PPP2R2A: variants seen among roughly 807,000 people sequenced by gnomAD.
PPP2R2A encodes protein phosphatase 2 regulatory subunit Balpha.
A neutral mutation model predicts 53.2 loss-of-function variants in PPP2R2A; 9 were observed. That is an observed-to-expected ratio of 0.17 (90% CI 0.10 to 0.30). PPP2R2A has a LOEUF of 0.30. Ranked by LOEUF, PPP2R2A falls within the 10% of genes least tolerant of loss-of-function variation. The pLI is 1.00. For missense variants in PPP2R2A, 235 were observed against 534.6 expected, an observed-to-expected ratio of 0.44 and a Z score of 5.53; for synonymous variants, 169 against 174.2, an observed-to-expected ratio of 0.97 and a Z score of 0.23.
chr8:26,360,763 C>G lies in PPP2R2A; in HGVS notation c.460-211C>G. ...AGAACTGCAAATTCTAATAGTATTG[C>G]AACCAGTAAAAGAAGATATATTATC... is the stretch of plus-strand genomic sequence containing the variant. On this transcript the variant is annotated intron_variant, in intron 5 of 9. Transcript: ENST00000380737. The surrounding 1 kb of genome is among the most constrained non-coding windows in gnomAD (Gnocchi z 4.5). 1 of 488,166 alleles carries G rather than the reference C, an allele frequency of 2.0e-6. No homozygotes were observed. The highest frequency in any genetic ancestry group is 3.5e-6 in the Non-Finnish European group (1 of 284,712). 30.2% of individuals were successfully genotyped at this position (488,166 alleles called of 1,614,324 possible).
intron 2 of PPP2R2A, among the ~76,000 whole-genome samples, chr8:26,332,173 T>C (rs1463356735): frequency 2.0e-5 from 3 of 151,872 alleles, no homozygotes; most frequent in African/African-American, 7.3e-5. Context: ...GGCCAACATA[T>C]TGAAAGCCTG....
intron 8 of PPP2R2A, chr8:26,365,171 T>C (rs1234981707): frequency 2.0e-5 from 3 of 152,228 alleles, no homozygotes; most frequent in African/African-American, 4.8e-5. Flanking sequence ...TTTCTACTTA[T>C]AAACAGTTGG....
At chr8:26,318,972 A>G (rs1170138412) in intron 2 of PPP2R2A, among the ~76,000 whole-genome samples, 3 of 152,168 alleles carry the variant, frequency 2.0e-5, no homozygotes, top group Non-Finnish European at 4.4e-5. Flanking sequence ...GACTCTTTTC[A>G]TCTTCCCAAA....
intron 2 of PPP2R2A, among the ~76,000 whole-genome samples, chr8:26,314,099 T>C (rs1802422215): frequency 6.6e-6 from 1 of 152,238 alleles, no homozygotes; most frequent in Non-Finnish European, 1.5e-5. Context: ...AAAAGCCTTC[T>C]AATGTAATTT....
rs149731094 is a variant in PPP2R2A at position 26,302,118 on chromosome 8, A to G, written c.82+8378A>G. On this transcript the variant is annotated intron_variant, in intron 2 of 9. Transcript: ENST00000380737. ...ATTGGTGCAGCTGTTTTGAGTTTCA[A>G]CTGCAGTTTTCATGGAACATCACTT... Among the ~76,000 whole-genome samples the G allele has an allele frequency of 1.1e-3, 161 of 152,300 alleles. 1 individual carries two copies. The highest frequency in any genetic ancestry group is 3.8e-3 in the African/African-American group (158 of 41,548).
At chr8:26,347,421 T>G (rs1182453650) in intron 3 of PPP2R2A, among the ~76,000 whole-genome samples, 1 of 151,780 alleles carries the variant, frequency 6.6e-6, no homozygotes, top group Non-Finnish European at 1.5e-5. Flanking sequence ...TGGAGGGTTT[T>G]TTTTTTTTTT....
chr8:26,356,235 C>T (rs1804775960), intron 4 of PPP2R2A, among the ~76,000 whole-genome samples: 1 of 152,200 alleles, frequency 6.6e-6, no homozygotes. Flanking sequence ...AAATTCAGCA[C>T]TTCCTCCATC....
Position 26,291,709 on chromosome 8 carries a change from TGCCATCCGCC to T in PPP2R2A, c.-100_-91del, listed in dbSNP as rs960116450. 5.4e-4 allele frequency: 160 copies of T among 298,504 alleles called. No individual in the cohort carries two copies. The highest frequency in any genetic ancestry group is 9.0e-4 in the Non-Finnish European group (142 of 158,100). 18.5% of individuals were successfully genotyped at this position (298,504 alleles called of 1,614,324 possible). ...GGCCCCCGTCCCCTCCCCCCGCAGG[TGCCATCCGCC>T]GCCATCCGCCCTCTCTACCCCCCCA... On this transcript the variant is annotated 5_prime_UTR_variant, in exon 1 of 10. Transcript: ENST00000380737.
At position 26,363,869 on chromosome 8, in the gene PPP2R2A, C is replaced by T; in HGVS notation, c.951C>T (p.Asn317=). The T allele has an allele frequency of 6.3e-7, 1 of 1,598,916 alleles. No individual in the cohort carries two copies. Among genetic ancestry groups the T allele is most frequent in the Non-Finnish European group, 8.5e-7 (1 of 1,169,874 alleles). ...AAATTTGGGACTTAAATATGGAAAA[C>T]AGGCCTGTGGAAACATACCAGGTAT... ...SVKIWDLNME[N]RPVETYQVHE... Residue 317 remains asparagine, a synonymous_variant, in exon 8 of 10, where the codon AAC becomes AAT. Transcript: ENST00000380737.
At chr8:26,293,202 T>C (rs995310843) in intron 1 of PPP2R2A, 2 of 1,531,252 alleles carry the variant, frequency 1.3e-6, no homozygotes, top group African/African-American at 1.4e-5. Context: ...GTGTGCACTT[T>C]GGTGATAAGG....
chr8:26,341,890 A>G (rs1400369866), intron 3 of PPP2R2A, among the ~76,000 whole-genome samples: 1 of 152,110 alleles, frequency 6.6e-6, no homozygotes, highest in Admixed American at 6.5e-5. Context: ...GTAACCCCTC[A>G]TTGTCTGCCT....
chr8:26,298,712 C>T (rs567080600), intron 2 of PPP2R2A: 1 of 152,250 alleles, frequency 6.6e-6, no homozygotes, highest in African/African-American at 2.4e-5. Context: ...ATAATGAACC[C>T]CTGTCACCCG....
At chr8:26,330,320 TTTTTTTTG>T (rs1251634012) in intron 2 of PPP2R2A, among the ~76,000 whole-genome samples, 49 of 150,058 alleles carry the variant, frequency 3.3e-4, no homozygotes, top group African/African-American at 1.1e-3. Flanking sequence ...TTTTTTTTTT[TTTTTTTTG>T]AGACACAGTC....
intron 2 of PPP2R2A, chr8:26,333,456 C>A (rs778287246): frequency 9.1e-7 from 1 of 1,094,974 alleles, no homozygotes; most frequent in South Asian, 1.5e-5. Flanking sequence ...CAGTTATAAC[C>A]CTCTTTGCAC....
intron 6 of PPP2R2A, among the ~76,000 whole-genome samples, chr8:26,361,817 C>T (rs761320301): frequency 2.6e-5 from 4 of 151,152 alleles, no homozygotes; most frequent in Non-Finnish European, 5.9e-5. Flanking sequence ...AAACATTAGC[C>T]GGGCATGGTG....
chr8:26,291,740 C>G lies in PPP2R2A; in HGVS notation c.-80C>G, dbSNP rs370771820. 9.8e-6 allele frequency: 15 copies of G among 1,525,862 alleles called. No homozygotes were observed. Among genetic ancestry groups the G allele is most frequent in the South Asian group, 8.2e-5 (7 of 84,948 alleles). The allele number at this position is 1,525,862 out of a possible 1,614,324, so 94.5% of individuals were successfully genotyped here. ...CCGCCGCCATCCGCCCTCTCTACCCCCCCATCCCCAGGTGAGGGGGGTGAG... is the reference window on the plus strand; with the variant it reads ...CCGCCGCCATCCGCCCTCTCTACCCGCCCATCCCCAGGTGAGGGGGGTGAG... On this transcript the variant is annotated 5_prime_UTR_variant, in exon 1 of 10. Coordinates refer to ENST00000380737, the MANE Select transcript of PPP2R2A (RefSeq NM_002717.4).
chr8:26,320,896 T>C (rs921632974), intron 2 of PPP2R2A, among the ~76,000 whole-genome samples: 1 of 152,178 alleles, frequency 6.6e-6, no homozygotes, highest in South Asian at 2.1e-4. Context: ...GTCACAGTTA[T>C]CGAAACAGTC....
At chr8:26,303,696 C>T (rs1002133705) in intron 2 of PPP2R2A, among the ~76,000 whole-genome samples, 1 of 151,908 alleles carries the variant, frequency 6.6e-6, no homozygotes, top group African/African-American at 2.4e-5. Flanking sequence ...TCTTGAATGC[C>T]AAAGTTTGTA....
chr8:26,317,625 T>TA (rs913906222), intron 2 of PPP2R2A, among the ~76,000 whole-genome samples: 2 of 152,316 alleles, frequency 1.3e-5, no homozygotes, highest in African/African-American at 4.8e-5. Context: ...TGAAATAAGC[T>TA]AAAAATTAGT....
Sources: gnomAD v4.1 joint callset for allele counts (sites outside exome capture counted in the v4.1 genomes callset) on GRCh38, gnomAD v4.1.1 for gene constraint, Gnocchi (gnomAD v3.1) non-coding constraint, MANE v1.5 for transcripts, NCBI Gene and HGNC (gene_info 2026-07-23, HGNC 2026-07-21) for gene names.